The following CHMP6 variants were observed in gnomAD, a reference collection of about 807,000 sequenced individuals.
The protein encoded by CHMP6 is chromatin-modifying protein 6.
CHMP6 carries 10 observed loss-of-function variants against 32.8 expected under a neutral mutation model. That is an observed-to-expected ratio of 0.30 (90% CI 0.19 to 0.52). CHMP6 has a LOEUF of 0.52. Ranked by LOEUF, CHMP6 falls within the 20% of genes least tolerant of loss-of-function variation. CHMP6 has a pLI of 0.97. For synonymous variants in CHMP6, 123 were observed against 105.8 expected, an observed-to-expected ratio of 1.16 and a Z score of -1.00; for missense variants, 269 against 263.8, an observed-to-expected ratio of 1.02 and a Z score of -0.14.
chr17:80,997,711 A>G (rs112236938), intron 6 of CHMP6, among the ~76,000 whole-genome samples: 74 of 151,858 alleles, frequency 4.9e-4, no homozygotes, highest in African/African-American at 1.7e-3. Context: ...GCTCACATCC[A>G]GGCTCTGAGT....
intron 7 of CHMP6, 66 bp from the exon 8 acceptor site, chr17:80,999,032 T>TC: frequency 6.3e-7 from 1 of 1,592,950 alleles, no homozygotes; most frequent in Non-Finnish European, 8.6e-7. Context: ...TGTGGCCTCG[T>TC]CCCTCTCTGG....
chr17:80,995,900 C>G (rs572296884), intron 4 of CHMP6, 142 bp downstream of exon 4: 3 of 693,034 alleles, frequency 4.3e-6, no homozygotes, highest in Non-Finnish European at 7.3e-6. Context: ...TGGGTGCTGC[C>G]AGGCAGGCAG....
chr17:80,991,889 G>C lies in CHMP6; in HGVS notation c.-30G>C. On this transcript the variant is annotated 5_prime_UTR_variant, in exon 1 of 8. Transcript: ENST00000325167. ...GGGGCGGCGGTGGCGATTGGACTTG[G>C]TGGGTCCCGGGCCAGGGGCGGGCGC... 7.1e-7 allele frequency: 1 copy of C among 1,408,812 alleles called. No individual in the cohort carries two copies. Among genetic ancestry groups the C allele is most frequent in the Non-Finnish European group, 9.3e-7 (1 of 1,069,542 alleles). The allele number at this position is 1,408,812 out of a possible 1,614,324, so 87.3% of individuals were successfully genotyped here.
chr17:80,996,968 C>T (rs1204994047), intron 4 of CHMP6, 39 bp from the exon 5 acceptor site: 1 of 1,590,080 alleles, frequency 6.3e-7, no homozygotes, highest in South Asian at 1.1e-5. Flanking sequence ...TACCATTGGC[C>T]TCGCGACAGG....
At position 80,999,428 on chromosome 17, in the gene CHMP6, G is replaced by A. The variant is rs949001250; in HGVS notation, c.*275G>A. ...CCGGTTGTGGGCTCCCCCGGTGGCC[G>A]AGGCCCAGGCCCAACGCCTCTGGTG... On this transcript the variant is annotated 3_prime_UTR_variant, in exon 8 of 8. Coordinates refer to ENST00000325167, the MANE Select transcript of CHMP6 (RefSeq NM_024591.5). The A allele has an allele frequency of 4.4e-6, 2 of 455,158 alleles. No homozygotes were observed. The highest frequency in any genetic ancestry group is 4.2e-5 in the East Asian group (1 of 23,946). The allele number at this position is 455,158 out of a possible 1,614,324, so 28.2% of individuals were successfully genotyped here.
chr17:80,995,600 A>T, intron 3 of CHMP6, 72 bp from the exon 4 acceptor site: 3 of 1,359,744 alleles, frequency 2.2e-6, no homozygotes, highest in Non-Finnish European at 3.1e-6. Context: ...GTCATCCTGA[A>T]CCCTGCCCCA....
intron 3 of CHMP6, 86 bp from the exon 4 acceptor site, chr17:80,995,586 G>C (rs4969333): frequency 0.59 from 674,703 of 1,142,574 alleles, 200,550 homozygotes; most frequent in Admixed American, 0.66. Flanking sequence ...CGCCCAGCAA[G>C]GGTGTCATCC....
intron 6 of CHMP6, among the ~76,000 whole-genome samples, chr17:80,997,959 C>A (rs1387657428): frequency 6.6e-6 from 1 of 152,356 alleles, no homozygotes; most frequent in Non-Finnish European, 1.5e-5. Flanking sequence ...CAGAAGCACC[C>A]GTGCTGGCTT....
At chr17:80,993,658 T>C (rs1190287304) in intron 1 of CHMP6, among the ~76,000 whole-genome samples, 2 of 152,196 alleles carry the variant, frequency 1.3e-5, no homozygotes, top group Admixed American at 6.5e-5. Flanking sequence ...TTTGGAAAAC[T>C]TAAGGACCTG....
At position 80,996,841 on chromosome 17, in the gene CHMP6, G is replaced by A. The variant is rs76199055; in HGVS notation, c.349-166G>A. ...CACCTGTAGTCCCAGCTACTTGGAC[G>A]GATCGCTTGAGCCCAGCCTGGGCAA... On this transcript the variant is annotated intron_variant, in intron 4 of 7. Transcript: ENST00000325167. Among the ~76,000 whole-genome samples the A allele has an allele frequency of 1.7e-3, 263 of 152,260 alleles. 7 individuals carry two copies. In the East Asian group the frequency reaches 0.043, roughly 25 times the overall value.
At chr17:80,997,386 A>AC (rs2069648148) in intron 6 of CHMP6, 45 bp downstream of exon 6, 1 of 1,545,982 alleles carries the variant, frequency 6.5e-7, no homozygotes, top group Non-Finnish European at 8.9e-7. Flanking sequence ...AGGCAGCGGG[A>AC]CCCCCAGAGC....
chr17:80,994,405 T>C (rs1470705440), intron 1 of CHMP6, among the ~76,000 whole-genome samples, 176 bp from the exon 2 acceptor site: 1 of 152,062 alleles, frequency 6.6e-6, no homozygotes. Context: ...TGGAGCTGAG[T>C]CCCTGGCTTC....
Position 80,995,050 on chromosome 17 carries a change from T to C in CHMP6, c.205T>C (p.Tyr69His). 6.2e-7 allele frequency: 1 copy of C among 1,601,698 alleles called. No homozygotes were observed. Among genetic ancestry groups the C allele is most frequent in the Non-Finnish European group, 8.5e-7 (1 of 1,175,758 alleles). ...RAKLLLKKKR[Y>H]QEQLLDRTEN... ...CAAGCTGCTGCTCAAGAAGAAGCGA[T>C]ACCAGGAGCAGCTCCTGGACAGGAC... The change falls in exon 3 of 8, where the codon TAC becomes CAC. Residue 69 changes from tyrosine to histidine, a missense_variant. By Grantham distance (83) the Tyr-to-His change is moderately conservative (BLOSUM62 2). Transcript: ENST00000325167.
At chr17:80,998,620 C>T (rs58642634) in intron 7 of CHMP6, 200 bp downstream of exon 7, 113,245 of 1,443,412 alleles carry the variant, frequency 0.078, 5,262 homozygotes, top group African/African-American at 0.2. Flanking sequence ...TGGGCAACCT[C>T]ATAAGAGAGC....
rs1406455865 is a variant in CHMP6 at position 80,991,939 on chromosome 17, CAAG to C, written c.25_27del (p.Lys9del). On this transcript the variant is annotated inframe_deletion, in exon 1 of 8. Transcript: ENST00000325167. ...CCGCCATGGGTAACCTGTTCGGCCG[CAAG>C]AAGCAGAGCCGCGTCACGGAGCAGG... The C allele has an allele frequency of 7.5e-6, 11 of 1,468,700 alleles. No individual in the cohort carries two copies. The highest frequency in any genetic ancestry group is 1.0e-5 in the Non-Finnish European group (11 of 1,104,156). 91.0% of individuals were successfully genotyped at this position (1,468,700 alleles called of 1,614,324 possible). A position where few individuals can be genotyped will look rare whatever the true frequency, so the allele number is the denominator to read the frequency against.
In CHMP6 at chr17:80,994,945, G is replaced by A. The variant is rs529986719; in HGVS notation, c.174-74G>A. 1.3e-4 allele frequency: 150 copies of A among 1,149,988 alleles called. 5 individuals are homozygous for A. The East Asian group carries it at 2.3e-3, about 18-fold the overall frequency. 71.2% of individuals were successfully genotyped at this position (1,149,988 alleles called of 1,614,324 possible). On this transcript the variant is annotated intron_variant, in intron 2 of 7. Coordinates refer to ENST00000325167, the MANE Select transcript of CHMP6 (RefSeq NM_024591.5). ...GGCTGGGGTGGGGGGCCCGGGCAGC[G>A]TGGGCACCCTGTCGGCTGGGGTGGG...
At chr17:80,994,072 C>T (rs941995625) in intron 1 of CHMP6, among the ~76,000 whole-genome samples, 16 of 152,180 alleles carry the variant, frequency 1.1e-4, no homozygotes, top group Admixed American at 9.2e-4. Flanking sequence ...CCACCACACC[C>T]GGCTAATATT....
In CHMP6 at chr17:80,995,703, T is replaced by C; in HGVS notation, c.293T>C (p.Met98Thr). Reference protein sequence around the residue: ...VQSIEFTQIEMKVMEGLQFGN... With the variant: ...VQSIEFTQIETKVMEGLQFGN... ...AGTATTGAGTTCACCCAGATCGAAA[T>C]GAAAGTGATGGAGGGGCTGCAGTTT... is the stretch of plus-strand genomic sequence containing the variant. Residue 98 changes from methionine (M) to threonine (T), a missense_variant, in exon 4 of 8, where the codon ATG becomes ACG. By Grantham distance (81) the Met-to-Thr change is moderately conservative. Coordinates refer to ENST00000325167, the MANE Select transcript of CHMP6 (RefSeq NM_024591.5). 1 of 1,613,976 alleles carries C rather than the reference T, an allele frequency of 6.2e-7. No individual in the cohort carries two copies. The highest frequency in any genetic ancestry group is 8.5e-7 in the Non-Finnish European group (1 of 1,179,940).
chr17:80,998,723 T>A, intron 7 of CHMP6: 1 of 1,345,182 alleles, frequency 7.4e-7, no homozygotes, highest in South Asian at 1.6e-5. Flanking sequence ...AGCCCAGGAT[T>A]AGCCCTCAGC....
Sources: allele counts gnomAD v4.1 joint callset (sites outside exome capture counted in the v4.1 genomes callset), GRCh38; gene constraint gnomAD v4.1.1; transcripts MANE v1.5; gene names NCBI Gene and HGNC (gene_info 2026-07-23, HGNC 2026-07-21).